Variants in ACSM1 observed in about 807,000 individuals in gnomAD.
The protein encoded by ACSM1 is acyl-CoA synthetase medium chain family member 1.
ACSM1 carries 79 observed loss-of-function variants against 75.8 expected under a neutral mutation model. The observed-to-expected ratio is 1.04, with a 90% CI of 0.87 to 1.26. ACSM1 has a LOEUF of 1.26. Ranked by LOEUF, ACSM1 falls within the 50% of genes most tolerant of loss-of-function variation. The pLI is 0.00. For synonymous variants in ACSM1, 279 were observed against 265.8 expected (o/e 1.05, Z -0.48); for missense variants, 676 against 720.1 (o/e 0.94, Z 0.70).
At chr16:20,628,393 T>C (rs940302424) in intron 10 of ACSM1, among the ~76,000 whole-genome samples, 3 of 152,172 alleles carry the variant, frequency 2.0e-5, no homozygotes, top group African/African-American at 7.2e-5. Flanking sequence ...GATGGTGCTC[T>C]TTTATAACCA....
In ACSM1 at chr16:20,624,055, G is replaced by A. The variant is rs375102079; in HGVS notation, c.1647+41C>T. On this transcript the variant is annotated intron_variant, in intron 13 of 13. Coordinates refer to ENST00000520010, the MANE Select transcript of ACSM1 (RefSeq NM_001318890.3). ...TACCTAGCCCGTCCTAGCAGGGAAC[G>A]CTTCAGGGCCACCAGATCCCTTCCA... is the stretch of plus-strand genomic sequence containing the variant. 8.7e-6 allele frequency: 14 copies of A among 1,604,018 alleles called. No individual in the cohort carries two copies. In the Admixed American group the frequency reaches 1.2e-4, roughly 13 times the overall value.
intron 7 of ACSM1, among the ~76,000 whole-genome samples, chr16:20,650,067 C>T (rs571457502): frequency 1.3e-4 from 20 of 152,262 alleles, no homozygotes; most frequent in African/African-American, 4.8e-4. Flanking sequence ...AGCTTCTCCT[C>T]TGGTGGAACT....
chr16:20,624,220 A>G lies in ACSM1; in HGVS notation c.1528-5T>C. ...GACAATAAAGGCCTTCACCACCTGCAGAATGAAGTCATGGGCTCACAGTGA... is the reference window on the plus strand; with the variant it reads ...GACAATAAAGGCCTTCACCACCTGCGGAATGAAGTCATGGGCTCACAGTGA... On this transcript the variant is annotated splice_region_variant and splice_polypyrimidine_tract_variant and intron_variant, in intron 12 of 13. Transcript: ENST00000520010. The G allele has an allele frequency of 6.2e-7, 1 of 1,606,034 alleles. No individual in the cohort carries two copies. The highest frequency in any genetic ancestry group is 8.5e-7 in the Non-Finnish European group (1 of 1,175,180).
chr16:20,685,308 G>A lies in ACSM1; in HGVS notation c.288C>T (p.Arg96=). The A allele has an allele frequency of 6.2e-7, 1 of 1,614,192 alleles. No homozygotes were observed. The highest frequency in any genetic ancestry group is 8.5e-7 in the Non-Finnish European group (1 of 1,180,024). The change falls in exon 3 of 14, where the codon CGC becomes CGT. Residue 96 remains arginine (R), a synonymous_variant. Transcript: ENST00000520010. The stretch of plus-strand genomic sequence containing the variant: ...TCTGTGTGAAGACGTTGGCTACACG[G>A]CGGGTTAGGTCTCCCATCTCTCTGA... ...WSFREMGDLT[R]RVANVFTQTC... is the part of the protein sequence containing the mutation.
intron 10 of ACSM1, among the ~76,000 whole-genome samples, chr16:20,634,254 T>C (rs1048593674): frequency 6.6e-6 from 1 of 152,198 alleles, no homozygotes; most frequent in Admixed American, 6.5e-5. Context: ...GTATATAAAA[T>C]GGTGCAGCCA....
chr16:20,650,586 A>G (rs2018592252), intron 7 of ACSM1, among the ~76,000 whole-genome samples: 1 of 151,966 alleles, frequency 6.6e-6, no homozygotes, highest in Non-Finnish European at 1.5e-5. Flanking sequence ...GTAGTGATAC[A>G]CGGTGGAGTC....
intron 10 of ACSM1, 139 bp from the exon 11 acceptor site, chr16:20,627,455 A>C: frequency 1.0e-6 from 1 of 953,286 alleles, no homozygotes; most frequent in Non-Finnish European, 1.5e-6. Flanking sequence ...TTCTGAGTCT[A>C]TTTTCATTAC....
intron 8 of ACSM1, among the ~76,000 whole-genome samples, chr16:20,639,955 G>A (rs567122649): frequency 4.6e-5 from 7 of 152,184 alleles, no homozygotes; most frequent in East Asian, 1.9e-4. Context: ...ACATGCCTCC[G>A]CCACAATTTT....
intron 5 of ACSM1, among the ~76,000 whole-genome samples, chr16:20,670,723 T>C (rs1397343998): frequency 6.6e-6 from 1 of 152,216 alleles, no homozygotes; most frequent in Non-Finnish European, 1.5e-5. Flanking sequence ...TACTACTTTT[T>C]ATATCTTTGT....
At chr16:20,681,578 A>G (rs1047832264) in intron 4 of ACSM1, 3 of 152,242 alleles carry the variant, frequency 2.0e-5, no homozygotes, top group African/African-American at 4.8e-5. Context: ...AGAGGCAGTA[A>G]TAACTCAACA....
intron 6 of ACSM1, among the ~76,000 whole-genome samples, chr16:20,666,109 A>T (rs111320994): frequency 0.011 from 1,600 of 152,272 alleles, 33 homozygotes; most frequent in African/African-American, 0.036. Context: ...CCTATTCAAC[A>T]TAGAATTGGA....
chr16:20,627,256 C>A lies in ACSM1; in HGVS notation c.1360G>T (p.Gly454Cys). 1 of 1,592,564 alleles carries A rather than the reference C, an allele frequency of 6.3e-7. No homozygotes were observed. The highest frequency in any genetic ancestry group is 1.2e-5 in the South Asian group (1 of 86,386). The part of the protein sequence containing the change: ...CGDFYNTGDR[G>C]KMDEEGYICF... ...ATGTAGCCCTCTTCATCCATCTTAC[C>A]TCTGTCCCCAGTGTTGTAGAAGTCC... Residue 454 changes from glycine (G) to cysteine (C), a missense_variant, in exon 11 of 14, where the codon GGT becomes TGT. Physicochemically the swap from Gly to Cys is radical, Grantham distance 159. Transcript: ENST00000520010.
intron 4 of ACSM1, among the ~76,000 whole-genome samples, chr16:20,672,320 C>T (rs1000371737): frequency 6.7e-6 from 1 of 148,858 alleles, no homozygotes; most frequent in East Asian, 2.0e-4. Context: ...TGCTGGTGGG[C>T]GCTTATACTC....
intron 10 of ACSM1, among the ~76,000 whole-genome samples, 199 bp from the exon 11 acceptor site, chr16:20,627,515 C>T (rs56102158): frequency 0.12 from 18,750 of 152,018 alleles, 1,622 homozygotes; most frequent in East Asian, 0.49. Context: ...GTGATTAAAC[C>T]AATTTCAATG....
intron 10 of ACSM1, among the ~76,000 whole-genome samples, chr16:20,635,999 G>C (rs1433488099): frequency 6.6e-6 from 1 of 152,160 alleles, no homozygotes; most frequent in Non-Finnish European, 1.5e-5. Flanking sequence ...AGTAAGGCCT[G>C]TATGTTCCCC....
At chr16:20,682,574 G>T (rs1374298161) in intron 3 of ACSM1, 111 bp from the exon 4 acceptor site, 4 of 770,546 alleles carry the variant, frequency 5.2e-6, no homozygotes, top group Non-Finnish European at 8.6e-6. Flanking sequence ...TAAAGTACAG[G>T]CCACAGAACA....
chr16:20,672,507 TTA>T (rs1275787045), intron 4 of ACSM1, among the ~76,000 whole-genome samples: 1 of 123,810 alleles, frequency 8.1e-6, no homozygotes, highest in Non-Finnish European at 1.6e-5. Flanking sequence ...AAAAACATAT[TTA>T]TATATTATAT....
In ACSM1 at chr16:20,685,204, C is replaced by T. The variant is rs769415099; in HGVS notation, c.392G>A (p.Cys131Tyr). 2 of 1,614,184 alleles carry T rather than the reference C, an allele frequency of 1.2e-6. No individual in the cohort carries two copies. Among genetic ancestry groups the T allele is most frequent in the East Asian group, 4.5e-5 (2 of 44,874 alleles). ...VPEWWLVAVG[C>Y]MRTGIIFIPA... ...CTTGCATCACTGACCTGTTCGCATG[C>T]AGCCCACAGCCACCAGCCACCACTC... The change falls in exon 3 of 14, where the codon TGC (cysteine) becomes TAC (tyrosine). Residue 131 changes from cysteine to tyrosine, a missense_variant. Coordinates refer to ENST00000520010, the MANE Select transcript of ACSM1 (RefSeq NM_001318890.3).
chr16:20,645,675 A>G (rs1004918018), intron 7 of ACSM1, among the ~76,000 whole-genome samples: 4 of 152,242 alleles, frequency 2.6e-5, no homozygotes, highest in Admixed American at 2.0e-4. Flanking sequence ...ATAGGATGAC[A>G]ACAGAGGAAA....
Sources: allele counts gnomAD v4.1 joint callset (sites outside exome capture counted in the v4.1 genomes callset), GRCh38; gene constraint gnomAD v4.1.1; transcripts MANE v1.5; gene names NCBI Gene and HGNC (gene_info 2026-07-23, HGNC 2026-07-21).